SHB: variants seen among roughly 807,000 people sequenced by gnomAD.
The protein encoded by SHB is SH2 domain containing adaptor protein B.
In SHB, 20 loss-of-function variants were observed where a neutral mutation model predicts 52.3. The observed-to-expected ratio is 0.38, with a 90% CI of 0.27 to 0.56. The LOEUF (loss-of-function observed/expected upper bound fraction) is 0.56, where lower values mean the gene tolerates loss of function less well. Ranked by LOEUF, SHB falls within the 20% of genes least tolerant of loss-of-function variation. The pLI is 0.71. For synonymous variants in SHB, 397 were observed against 316.5 expected (o/e 1.25, Z -2.70); for missense variants, 825 against 723.3 (o/e 1.14, Z -1.61).
At chr9:37,988,209 T>C (rs1820835659) in intron 2 of SHB, among the ~76,000 whole-genome samples, 1 of 152,236 alleles carries the variant, frequency 6.6e-6, no homozygotes, top group South Asian at 2.1e-4. Flanking sequence ...GAGACAACCT[T>C]TGCCTTCTGG....
At chr9:38,023,938 C>T (rs1821311344) in intron 1 of SHB, among the ~76,000 whole-genome samples, 1 of 152,226 alleles carries the variant, frequency 6.6e-6, no homozygotes, top group Admixed American at 6.5e-5. Context: ...GACCAACTCT[C>T]CTTATAGGCA....
chr9:37,932,562 C>CAAAAAAAA (rs74171537), intron 5 of SHB, among the ~76,000 whole-genome samples: 10 of 86,720 alleles, frequency 1.2e-4, no homozygotes, highest in African/African-American at 3.7e-4. Flanking sequence ...GCTCTAGCCA[C>CAAAAAAAA]AAAAAAAAAA....
At chr9:37,934,669 C>T (rs778760408) in intron 5 of SHB, among the ~76,000 whole-genome samples, 4 of 152,354 alleles carry the variant, frequency 2.6e-5, no homozygotes, top group Middle Eastern at 3.4e-3. Context: ...GGAAATGGAA[C>T]ATTCAAAGGT....
At chr9:37,977,032 T>C (rs1820664913) in intron 2 of SHB, among the ~76,000 whole-genome samples, 3 of 152,238 alleles carry the variant, frequency 2.0e-5, no homozygotes, top group Admixed American at 1.3e-4. Context: ...TTTCCCAAGC[T>C]TTATTTAGTC....
At chr9:38,033,359 G>A (rs915862497) in intron 1 of SHB, among the ~76,000 whole-genome samples, 1 of 152,090 alleles carries the variant, frequency 6.6e-6, no homozygotes, top group Non-Finnish European at 1.5e-5. Flanking sequence ...TTCGGGGAGG[G>A]GGCCCTTCCA....
intron 1 of SHB, among the ~76,000 whole-genome samples, chr9:38,031,005 G>A (rs1403218335): frequency 1.3e-5 from 2 of 151,968 alleles, no homozygotes; most frequent in Non-Finnish European, 2.9e-5. Flanking sequence ...GAACCCAACC[G>A]CCATCTGTCT....
At chr9:38,052,450 C>T (rs192943973) in intron 1 of SHB, among the ~76,000 whole-genome samples, 1 of 152,332 alleles carries the variant, frequency 6.6e-6, no homozygotes, top group East Asian at 1.9e-4. Flanking sequence ...CAAACTCCCA[C>T]AGAGGACGTT....
intron 1 of SHB, among the ~76,000 whole-genome samples, chr9:38,054,607 G>A (rs1465430437): frequency 1.3e-5 from 2 of 152,190 alleles, no homozygotes; most frequent in African/African-American, 4.8e-5. Context: ...GGTCCTGGCT[G>A]GGAATCTGGC....
intron 1 of SHB, among the ~76,000 whole-genome samples, chr9:38,058,805 C>G (rs893911068): frequency 3.3e-5 from 5 of 152,158 alleles, no homozygotes; most frequent in African/African-American, 9.7e-5. Context: ...CTGCACTGTT[C>G]TTCTTCCCTC....
chr9:37,930,064 T>A (rs1256440458), intron 5 of SHB, among the ~76,000 whole-genome samples: 1 of 152,162 alleles, frequency 6.6e-6, no homozygotes. Flanking sequence ...TTCACACCAA[T>A]GCAGTCCAGC....
chr9:38,067,899 A>G, intron 1 of SHB, 30 bp downstream of exon 1: 1 of 1,433,784 alleles, frequency 7.0e-7, no homozygotes, highest in South Asian at 1.5e-5. Context: ...TGGCTCTGGA[A>G]CCTCGGGAAG....
chr9:38,026,345 C>T (rs1209367396), intron 1 of SHB, among the ~76,000 whole-genome samples: 2 of 152,236 alleles, frequency 1.3e-5, no homozygotes, highest in Admixed American at 6.5e-5. Context: ...AGCACGAGAT[C>T]GGGCCAGCAC....
At chr9:38,019,029 C>T (rs946613751) in intron 1 of SHB, among the ~76,000 whole-genome samples, 2 of 152,212 alleles carry the variant, frequency 1.3e-5, no homozygotes, top group African/African-American at 2.4e-5. Context: ...GGGAGCCAGC[C>T]GGGACTCCTC....
At chr9:37,953,150 G>A (rs995606815) in intron 4 of SHB, among the ~76,000 whole-genome samples, 11 of 152,250 alleles carry the variant, frequency 7.2e-5, no homozygotes, top group African/African-American at 2.6e-4. Flanking sequence ...TGTGGTGACT[G>A]CCACGGAGGA....
rs1375982708 is a variant in SHB at position 37,918,445 on chromosome 9, G to A, written c.*1376C>T. ...GCTGTGTGTGTGTGTGTGTGTGTGT[G>A]TAGGTGTTCTTGTGTGTGGAAGCAG... On this transcript the variant is annotated 3_prime_UTR_variant, in exon 6 of 6. Coordinates refer to ENST00000377707, the MANE Select transcript of SHB (RefSeq NM_003028.3). Among the ~76,000 whole-genome samples, 3 of 125,540 alleles carry A rather than the reference G, an allele frequency of 2.4e-5. No individual in the cohort carries two copies. The highest frequency in any genetic ancestry group is 5.3e-5 in the Non-Finnish European group (3 of 56,672). 82.4% of individuals were successfully genotyped at this position (125,540 alleles called of 152,430 possible).
intron 2 of SHB, among the ~76,000 whole-genome samples, chr9:38,013,996 T>C (rs1587244039): frequency 1.3e-5 from 2 of 152,194 alleles, no homozygotes; most frequent in African/African-American, 4.8e-5. Context: ...GTCTGGTCCC[T>C]GGCAGGGGCT....
At chr9:37,927,371 C>G (rs1229467968) in intron 5 of SHB, among the ~76,000 whole-genome samples, 1 of 152,244 alleles carries the variant, frequency 6.6e-6, no homozygotes, top group African/African-American at 2.4e-5. Flanking sequence ...AATGTAAACG[C>G]TGCTGAGCAA....
intron 5 of SHB, among the ~76,000 whole-genome samples, chr9:37,943,705 A>AG (rs1159930269): frequency 2.0e-5 from 3 of 152,208 alleles, no homozygotes; most frequent in African/African-American, 7.2e-5. Context: ...TGGGTCACAC[A>AG]GGATCCCTGC....
At chr9:38,008,348 T>C (rs1044084463) in intron 2 of SHB, among the ~76,000 whole-genome samples, 5 of 152,240 alleles carry the variant, frequency 3.3e-5, no homozygotes, top group African/African-American at 1.2e-4. Context: ...TGAGCACCAC[T>C]GGGCTGGGTG....
Sources: gnomAD v4.1 joint callset for allele counts (sites outside exome capture counted in the v4.1 genomes callset) on GRCh38, gnomAD v4.1.1 for gene constraint, MANE v1.5 for transcripts, NCBI Gene and HGNC (gene_info 2026-07-23, HGNC 2026-07-21) for gene names.